Variants in CSMD1 observed in about 807,000 individuals in gnomAD.
The protein encoded by CSMD1 is CUB and sushi domain-containing protein 1.
CSMD1 carries 213 observed loss-of-function variants against 417.5 expected under a neutral mutation model. That is an observed-to-expected ratio of 0.51 (90% CI 0.46 to 0.57). The LOEUF is 0.57. Among genes scored for constraint, CSMD1 ranks in the 20% least tolerant of loss-of-function variants. The pLI is 0.00. For synonymous variants in CSMD1, 2,862 were observed against 1,736.8 expected, an observed-to-expected ratio of 1.65 and a Z score of -16.11; for missense variants, 6,923 against 4,529.7, an observed-to-expected ratio of 1.53 and a Z score of -15.17.
intron 3 of CSMD1, among the ~76,000 whole-genome samples, chr8:4,241,924 T>C (rs577190134): frequency 4.6e-5 from 7 of 152,314 alleles, no homozygotes; most frequent in South Asian, 2.1e-4. Context: ...AGCTATTTTA[T>C]ACTGTCCTAC....
intron 1 of CSMD1, among the ~76,000 whole-genome samples, chr8:4,721,774 C>T (rs1037530917): frequency 1.3e-5 from 2 of 152,130 alleles, no homozygotes; most frequent in Non-Finnish European, 2.9e-5. Context: ...ACTGAGGTAT[C>T]ATTCACAATA....
chr8:3,619,184 G>C (rs540467383), intron 7 of CSMD1, among the ~76,000 whole-genome samples: 2 of 151,918 alleles, frequency 1.3e-5, no homozygotes, highest in East Asian at 3.9e-4. Flanking sequence ...AAAGCAGCTG[G>C]GGAAAAAAAT....
At chr8:4,033,382 C>T (rs1280737080) in intron 3 of CSMD1, among the ~76,000 whole-genome samples, 1 of 152,066 alleles carries the variant, frequency 6.6e-6, no homozygotes, top group Non-Finnish European at 1.5e-5. Context: ...GCGGAGCTTG[C>T]GGTGAGCCGA....
intron 7 of CSMD1, among the ~76,000 whole-genome samples, chr8:3,672,726 A>T (rs774410705): frequency 2.0e-5 from 3 of 152,130 alleles, no homozygotes; most frequent in Non-Finnish European, 1.5e-5. Context: ...GAAATTGGCC[A>T]TGGTGGATGT....
intron 5 of CSMD1, chr8:3,949,845 G>C (rs1028844775): frequency 5.3e-5 from 24 of 451,112 alleles, no homozygotes; most frequent in African/African-American, 3.0e-4. Flanking sequence ...TTGATTGAGG[G>C]GATCCCTGGG....
intron 39 of CSMD1, among the ~76,000 whole-genome samples, chr8:3,155,996 T>C (rs1322570174): frequency 1.3e-5 from 2 of 152,214 alleles, no homozygotes; most frequent in Non-Finnish European, 2.9e-5. Context: ...TTATTTGAGA[T>C]GTGGGGAAAT....
intron 2 of CSMD1, among the ~76,000 whole-genome samples, chr8:4,447,117 T>C (rs926511038): frequency 1.3e-5 from 2 of 152,142 alleles, no homozygotes; most frequent in Admixed American, 1.3e-4. Flanking sequence ...TACTTAAATG[T>C]ACATTTGCAA....
chr8:4,401,090 G>T (rs1804617141), intron 3 of CSMD1, among the ~76,000 whole-genome samples: 1 of 152,108 alleles, frequency 6.6e-6, no homozygotes, highest in African/African-American at 2.4e-5. Flanking sequence ...TTTTTACAAA[G>T]AAAATTGAAG....
intron 1 of CSMD1, among the ~76,000 whole-genome samples, chr8:4,771,239 G>A (rs1368977149): frequency 6.6e-6 from 1 of 152,174 alleles, no homozygotes; most frequent in Non-Finnish European, 1.5e-5. Context: ...AGCTGGATGA[G>A]GAAGTCAGTC....
chr8:4,156,832 A>G (rs1796862012), intron 3 of CSMD1, among the ~76,000 whole-genome samples: 1 of 151,974 alleles, frequency 6.6e-6, no homozygotes, highest in Admixed American at 6.5e-5. Flanking sequence ...TACTATGAAC[A>G]CAATCACAGG....
At chr8:4,158,670 ATGAG>A (rs1244690019) in intron 3 of CSMD1, among the ~76,000 whole-genome samples, 4 of 152,104 alleles carry the variant, frequency 2.6e-5, no homozygotes, top group Admixed American at 2.0e-4. Context: ...CGCCGTAATA[ATGAG>A]TATTATGGGC....
At chr8:3,969,718 C>G (rs746952560) in intron 5 of CSMD1, among the ~76,000 whole-genome samples, 1 of 152,260 alleles carries the variant, frequency 6.6e-6, no homozygotes, top group Middle Eastern at 3.4e-3. Context: ...ATGATTTTGA[C>G]AATAAAATAA....
At chr8:4,843,014 G>C (rs188259413) in intron 1 of CSMD1, among the ~76,000 whole-genome samples, 1 of 152,072 alleles carries the variant, frequency 6.6e-6, no homozygotes, top group Non-Finnish European at 1.5e-5. Context: ...TGCTACTCCA[G>C]GACTCTAACA....
intron 5 of CSMD1, among the ~76,000 whole-genome samples, chr8:3,782,058 T>C (rs547203730): frequency 2.6e-5 from 4 of 152,324 alleles, no homozygotes; most frequent in Admixed American, 1.3e-4. Context: ...GTCCACTTAA[T>C]ACTTGGAAGG....
intron 47 of CSMD1, 105 bp downstream of exon 47, chr8:3,096,744 G>C (rs1563335213): frequency 3.7e-6 from 3 of 808,022 alleles, no homozygotes; most frequent in East Asian, 5.5e-5. Context: ...GAAAACATAA[G>C]TTAACTCAAG....
intron 6 of CSMD1, among the ~76,000 whole-genome samples, chr8:3,718,255 C>T (rs1422259206): frequency 6.6e-6 from 1 of 152,058 alleles, no homozygotes; most frequent in East Asian, 1.9e-4. Context: ...ATTTTGACTG[C>T]AGCTCCCATT....
intron 3 of CSMD1, among the ~76,000 whole-genome samples, chr8:4,073,662 A>C (rs1029677445): frequency 6.6e-6 from 1 of 152,146 alleles, no homozygotes; most frequent in Non-Finnish European, 1.5e-5. Context: ...AATTCTCTGA[A>C]GTATAGTTAT....
At chr8:3,924,364 A>G (rs1262849041) in intron 5 of CSMD1, among the ~76,000 whole-genome samples, 2 of 152,134 alleles carry the variant, frequency 1.3e-5, no homozygotes, top group African/African-American at 4.8e-5. Context: ...TAAAAGCTCA[A>G]GCTGCATTTA....
At chr8:3,262,655 A>G (rs1801165649) in intron 26 of CSMD1, among the ~76,000 whole-genome samples, 1 of 152,160 alleles carries the variant, frequency 6.6e-6, no homozygotes, top group Admixed American at 6.6e-5. Context: ...TATAGACAGA[A>G]TAAGTGACAT....
Sources: allele counts gnomAD v4.1 joint callset (sites outside exome capture counted in the v4.1 genomes callset), GRCh38; gene constraint gnomAD v4.1.1; transcripts MANE v1.5; gene names NCBI Gene and HGNC (gene_info 2026-07-23, HGNC 2026-07-21).